Variants in SYNE2 observed in about 807,000 individuals in gnomAD.
The protein encoded by SYNE2 is spectrin repeat containing nuclear envelope protein 2.
Under a neutral mutation model 856.3 loss-of-function variants are expected in SYNE2, and 431 were observed. That is an observed-to-expected ratio of 0.50 (90% CI 0.47 to 0.55). The LOEUF is 0.55. Among genes scored for constraint, SYNE2 ranks in the 20% least tolerant of loss-of-function variants. The pLI, the probability that SYNE2 is intolerant of heterozygous loss-of-function variation, is 0.00. For missense variants in SYNE2, 8,129 were observed against 8,023.2 expected (o/e 1.01, Z -0.50); for synonymous variants, 2,923 against 2,872.3 (o/e 1.02, Z -0.56).
intron 6 of SYNE2, among the ~76,000 whole-genome samples, chr14:63,948,166 T>TACACACACACACACAC (rs59063086): frequency 1.3e-4 from 19 of 147,358 alleles, no homozygotes; most frequent in East Asian, 8.0e-4. Flanking sequence ...GACACACACA[T>TACACACACACACACAC]ACACACACAC....
At chr14:64,014,681 C>A (rs1046065235) in intron 32 of SYNE2, among the ~76,000 whole-genome samples, 1 of 151,952 alleles carries the variant, frequency 6.6e-6, no homozygotes, top group Non-Finnish European at 1.5e-5. Flanking sequence ...CCTCGGCCTC[C>A]CAAAGTGCTG....
intron 1 of SYNE2, among the ~76,000 whole-genome samples, chr14:63,888,132 T>A (rs1566717176): frequency 6.6e-6 from 1 of 152,156 alleles, no homozygotes; most frequent in Non-Finnish European, 1.5e-5. Flanking sequence ...ACCCTTATGT[T>A]ATGGATGAGA....
chr14:63,878,746 T>C lies in SYNE2; in HGVS notation c.-52+25603T>C, dbSNP rs118069260. On this transcript the variant is annotated intron_variant, in intron 1 of 115. Transcript: ENST00000555002. ...TTAGTAGAGATGAGGTTTCATCATG[T>C]TGGTTAGCCTGGTCTCGAACTCTCC... Among the ~76,000 whole-genome samples, 173 of 152,256 alleles carry C rather than the reference T, an allele frequency of 1.1e-3. 2 individuals carry two copies. In the South Asian group the frequency reaches 0.017, roughly 15 times the overall value.
intron 95 of SYNE2, among the ~76,000 whole-genome samples, chr14:64,175,555 A>G (rs920320984): frequency 2.6e-4 from 40 of 152,194 alleles, no homozygotes; most frequent in African/African-American, 9.4e-4. Context: ...AGTCACTGTT[A>G]GGAAAATCAT....
intron 1 of SYNE2, among the ~76,000 whole-genome samples, chr14:63,838,625 C>A (rs1195782936): frequency 6.6e-6 from 1 of 151,944 alleles, no homozygotes; most frequent in Non-Finnish European, 1.5e-5. Context: ...AGCAATCCTC[C>A]CAGCCTCCGT....
At chr14:63,948,182 C>T (rs1436269125) in intron 6 of SYNE2, among the ~76,000 whole-genome samples, 2 of 151,944 alleles carry the variant, frequency 1.3e-5, no homozygotes, top group South Asian at 2.1e-4. Context: ...CACACACACA[C>T]ACACACACAC....
At position 63,983,876 on chromosome 14, in the gene SYNE2, A is replaced by C; in HGVS notation, c.2141A>C (p.Gln714Pro). 3.9e-6 allele frequency: 6 copies of C among 1,537,880 alleles called. No homozygotes were observed. Among genetic ancestry groups the C allele is most frequent in the Non-Finnish European group, 5.4e-6 (6 of 1,117,080 alleles). ...MSVELPENYN[Q>P]NIKAGEKHEK... ...GTAGAACTTCCTGAAAATTATAATC[A>C]AAATATAAAGGTAAAATAATCATAC... Residue 714 changes from glutamine (Q) to proline (P), a missense_variant, in exon 18 of 116, where the codon CAA becomes CCA. By Grantham distance (76) the Gln-to-Pro change is moderately conservative (BLOSUM62 -1). Coordinates refer to ENST00000555002, the MANE Select transcript of SYNE2 (RefSeq NM_182914.3).
chr14:64,186,559 T>C lies in SYNE2; in HGVS notation c.17692T>C (p.Trp5898Arg), dbSNP rs147971588. 4.6e-5 allele frequency: 74 copies of C among 1,614,066 alleles called. No individual in the cohort carries two copies. Among genetic ancestry groups the C allele is most frequent in the Non-Finnish European group, 6.1e-5 (72 of 1,180,032 alleles). ...GCAAATAGAGCATTTGCACAGACAA[T>C]GGGAGGACCTCTGCTTAAGGGTAAG... Reference protein sequence around the residue: ...KEQIEHLHRQWEDLCLRVAIR... With the variant: ...KEQIEHLHRQREDLCLRVAIR... The change falls in exon 97 of 116, where the codon TGG becomes CGG. Residue 5898 changes from tryptophan (W) to arginine (R), a missense_variant. Physicochemically the swap from Trp to Arg is moderately radical, Grantham distance 101. This residue lies in a region of SYNE2 where 5,410 missense variants were observed against 5,284.8 expected (regional missense o/e 1.02). Transcript: ENST00000555002.
At chr14:64,154,656 T>C (rs2153706689) in intron 85 of SYNE2, among the ~76,000 whole-genome samples, 1 of 151,882 alleles carries the variant, frequency 6.6e-6, no homozygotes, top group African/African-American at 2.4e-5. Flanking sequence ...TAGCTGGGTG[T>C]GGTGGTGTGT....
At chr14:64,045,363 A>G (rs2097178379) in intron 45 of SYNE2, among the ~76,000 whole-genome samples, 1 of 151,010 alleles carries the variant, frequency 6.6e-6, no homozygotes, top group Non-Finnish European at 1.5e-5. Flanking sequence ...ATCTTAGTAG[A>G]TGATGAATAA....
At chr14:63,767,406 G>A (rs530258491) in intron 1 of SYNE2, among the ~76,000 whole-genome samples, 2 of 151,920 alleles carry the variant, frequency 1.3e-5, no homozygotes, top group African/African-American at 2.4e-5. Flanking sequence ...CACTGTGACC[G>A]GCCAATTTTT....
Position 63,929,784 on chromosome 14 carries a change from A to AT in SYNE2, c.80-10820dup, listed in dbSNP as rs58003727. ...GAAACTGTCTCAAAAAAAAAAAAAA[A>AT]TTTTTTTTTTCTCTGTAGAGATATT... is the stretch of plus-strand genomic sequence containing the variant. On this transcript the variant is annotated intron_variant, in intron 2 of 115. Transcript: ENST00000555002. Among the ~76,000 whole-genome samples, 59 of 149,560 alleles carry AT rather than the reference A, an allele frequency of 3.9e-4. 1 individual carries two copies. The highest frequency in any genetic ancestry group is 1.2e-3 in the African/African-American group (48 of 40,584).
chr14:64,155,441 G>A (rs922858736), intron 85 of SYNE2, among the ~76,000 whole-genome samples: 2 of 152,112 alleles, frequency 1.3e-5, no homozygotes, highest in Non-Finnish European at 2.9e-5. Context: ...TTAGTGGCTG[G>A]GGAGAACGAG....
intron 83 of SYNE2, among the ~76,000 whole-genome samples, chr14:64,145,777 A>C (rs1048687886): frequency 1.3e-5 from 2 of 152,222 alleles, no homozygotes; most frequent in Non-Finnish European, 2.9e-5. Context: ...ACACAATGAA[A>C]AAATATCGAA....
intron 45 of SYNE2, among the ~76,000 whole-genome samples, chr14:64,032,423 A>G (rs1453379130): frequency 6.6e-6 from 1 of 152,240 alleles, no homozygotes; most frequent in East Asian, 1.9e-4. Flanking sequence ...ATAACCGGGC[A>G]TGACAGTGCA....
chr14:63,947,730 G>A (rs1175869236), intron 6 of SYNE2, among the ~76,000 whole-genome samples: 2 of 152,084 alleles, frequency 1.3e-5, no homozygotes, highest in Non-Finnish European at 2.9e-5. Flanking sequence ...CCAGCTACTC[G>A]AGAGGCTGAG....
At chr14:64,113,252 A>C (rs2097826556) in intron 65 of SYNE2, 89 bp from the exon 66 acceptor site, 1 of 1,604,924 alleles carries the variant, frequency 6.2e-7, no homozygotes, top group South Asian at 1.1e-5. Context: ...TGTTTCTTTT[A>C]ACTGGGGAAA....
chr14:63,824,691 A>C (rs1294132345), intron 1 of SYNE2, among the ~76,000 whole-genome samples: 1 of 151,840 alleles, frequency 6.6e-6, no homozygotes, highest in African/African-American at 2.4e-5. Flanking sequence ...TTTGAAACAC[A>C]AAGGATAAGG....
rs1594837509 is a variant in SYNE2, at chr14:64,010,114, G to T, written c.4726G>T (p.Glu1576Ter). Residue 1576 changes from glutamate (E) to a stop codon, truncating the protein, a stop_gained and splice_region_variant, in exon 32 of 116, where the codon GAG becomes TAG. Transcript: ENST00000555002. LOFTEE classifies it high-confidence loss of function. ...GKENLKKRIA[E>*]IEIVKEEFNE... ...GGAGAACCTGAAGAAAAGGATAGCA[G>T]AGGTGAGTCCAGGTTCCATTAGAAA... is the stretch of plus-strand genomic sequence containing the variant. 3 of 1,611,246 alleles carry T rather than the reference G, an allele frequency of 1.9e-6. No homozygotes were observed. Among genetic ancestry groups the T allele is most frequent in the Non-Finnish European group, 2.5e-6 (3 of 1,178,550 alleles).
Sources: allele counts gnomAD v4.1 joint callset (sites outside exome capture counted in the v4.1 genomes callset), GRCh38; gene constraint gnomAD v4.1.1; regional missense constraint gnomAD v4.1.1; transcripts MANE v1.5; gene names NCBI Gene and HGNC (gene_info 2026-07-23, HGNC 2026-07-21).